SORCS2: variants seen among roughly 807,000 people sequenced by gnomAD.
The protein encoded by SORCS2 is sortilin related VPS10 domain containing receptor 2.
SORCS2 carries 100 observed loss-of-function variants against 141.6 expected under a neutral mutation model. The ratio of observed to expected loss-of-function variants is 0.71; its 90% CI spans 0.60 to 0.83. SORCS2 has a LOEUF of 0.83. Ranked by LOEUF, SORCS2 falls within the 40% of genes least tolerant of loss-of-function variation. SORCS2 has a pLI of 0.00. For synonymous variants in SORCS2, 789 were observed against 676.9 expected, an observed-to-expected ratio of 1.17 and a Z score of -2.57; for missense variants, 1,646 against 1,560.2, an observed-to-expected ratio of 1.05 and a Z score of -0.93.
intron 3 of SORCS2, among the ~76,000 whole-genome samples, chr4:7,560,438 G>A (rs1312142693): frequency 6.6e-6 from 1 of 152,126 alleles, no homozygotes; most frequent in African/African-American, 2.4e-5. Context: ...GCTGTGCTTT[G>A]TCTCTCAATG....
chr4:7,727,437 C>CT (rs1225710978), intron 21 of SORCS2, among the ~76,000 whole-genome samples: 1 of 141,262 alleles, frequency 7.1e-6, no homozygotes, highest in African/African-American at 2.7e-5. Context: ...ACCCCCCCCC[C>CT]CCTTGTCAAG....
chr4:7,378,579 A>G (rs1387641149), intron 1 of SORCS2, among the ~76,000 whole-genome samples: 1 of 152,000 alleles, frequency 6.6e-6, no homozygotes, highest in African/African-American at 2.4e-5. Context: ...GGGGGAATCC[A>G]CCCCCGTGAT....
In SORCS2 at chr4:7,692,246, C is replaced by T. The variant is rs115875159; in HGVS notation, c.1591+2658C>T. Among the ~76,000 whole-genome samples, 716 of 152,290 alleles carry T rather than the reference C, an allele frequency of 4.7e-3. 7 individuals are homozygous for T. Among genetic ancestry groups the T allele is most frequent in the African/African-American group, 0.017 (687 of 41,560 alleles). On this transcript the variant is annotated intron_variant, in intron 11 of 26. Transcript: ENST00000507866. ...GGCACAGGTCCCAGTGCCACGTGAC[C>T]GCACTGCTGGAGGTGGCTGGGGATG...
At chr4:7,410,917 G>A (rs909862751) in intron 2 of SORCS2, among the ~76,000 whole-genome samples, 5 of 146,022 alleles carry the variant, frequency 3.4e-5, no homozygotes, top group African/African-American at 1.3e-4. Flanking sequence ...AGCATTCCTA[G>A]CCCCTGGGCC....
intron 14 of SORCS2, among the ~76,000 whole-genome samples, chr4:7,709,318 G>A (rs1433180277): frequency 6.6e-6 from 1 of 152,184 alleles, no homozygotes; most frequent in Non-Finnish European, 1.5e-5. Context: ...CCGTGAATGA[G>A]CCTGTCTCTG....
At chr4:7,293,629 C>T (rs1037864336) in intron 1 of SORCS2, among the ~76,000 whole-genome samples, 1 of 152,160 alleles carries the variant, frequency 6.6e-6, no homozygotes, top group Non-Finnish European at 1.5e-5. Flanking sequence ...GTAAAGCCAA[C>T]CTGTTGCTTT....
intron 2 of SORCS2, among the ~76,000 whole-genome samples, chr4:7,411,114 C>T (rs1725277506): frequency 6.6e-6 from 1 of 152,012 alleles, no homozygotes; most frequent in East Asian, 1.9e-4. Context: ...CATCACCACG[C>T]CCAGCTAATT....
Position 7,448,169 on chromosome 4 carries a change from C to T in SORCS2, c.548+51814C>T, listed in dbSNP as rs55675911. On this transcript the variant is annotated intron_variant, in intron 2 of 26. Transcript: ENST00000507866. Reference sequence around the variant, plus strand: ...TGAGGCACAGTTGTGTTTCGTGCCCCCCACTGTCCTGCTGCTCCGGGCCCT... The same window carrying T: ...TGAGGCACAGTTGTGTTTCGTGCCCTCCACTGTCCTGCTGCTCCGGGCCCT... Among the ~76,000 whole-genome samples, 1,467 of 152,290 alleles carry T rather than the reference C, an allele frequency of 9.6e-3. 26 individuals carry two copies. The highest frequency in any genetic ancestry group is 0.032 in the African/African-American group (1,348 of 41,550).
intron 3 of SORCS2, among the ~76,000 whole-genome samples, chr4:7,555,386 C>A (rs926745189): frequency 2.6e-5 from 4 of 152,234 alleles, no homozygotes; most frequent in African/African-American, 9.6e-5. Flanking sequence ...CCCTACCCAC[C>A]TGTGTGAGCC....
chr4:7,679,971 TG>T (rs1195803346), intron 9 of SORCS2, among the ~76,000 whole-genome samples: 1 of 152,164 alleles, frequency 6.6e-6, no homozygotes, highest in Non-Finnish European at 1.5e-5. Context: ...CAAACCATCA[TG>T]GGAAAATCAT....
At chr4:7,703,102 G>A (rs1281354887) in intron 12 of SORCS2, among the ~76,000 whole-genome samples, 178 bp from the exon 13 acceptor site, 2 of 152,320 alleles carry the variant, frequency 1.3e-5, no homozygotes, top group South Asian at 4.1e-4. Context: ...CTGAGTCCGC[G>A]TGGGCTGGGA....
intron 23 of SORCS2, among the ~76,000 whole-genome samples, chr4:7,732,237 A>G (rs927947945): frequency 2.0e-5 from 3 of 152,236 alleles, no homozygotes; most frequent in Admixed American, 6.5e-5. Flanking sequence ...CATTGAAGCC[A>G]CAGTGAGACA....
intron 1 of SORCS2, among the ~76,000 whole-genome samples, chr4:7,339,618 G>C (rs1208337301): frequency 1.3e-5 from 2 of 152,164 alleles, no homozygotes; most frequent in Non-Finnish European, 2.9e-5. Flanking sequence ...ATTTTTGTCA[G>C]GACACCCAGT....
At chr4:7,434,604 C>T in intron 2 of SORCS2, 1 of 1,613,422 alleles carries the variant, frequency 6.2e-7, no homozygotes, top group Non-Finnish European at 8.5e-7. Flanking sequence ...CACAGGTCTT[C>T]ATCACCAAAG....
At position 7,192,671 on chromosome 4, in the gene SORCS2, G is replaced by T; in HGVS notation, c.25G>T (p.Ala9Ser). Reference protein sequence around the residue: MAHRGPSRASKGPGPTARA... With the variant: MAHRGPSRSSKGPGPTARA... ...CATGGCGCACCGGGGGCCCTCGCGC[G>T]CCTCGAAGGGCCCCGGCCCCACCGC... Residue 9 changes from alanine to serine, a missense_variant, in exon 1 of 27, where the codon GCC becomes TCC. Physicochemically the swap from Ala to Ser is moderately conservative, Grantham distance 99. Coordinates refer to ENST00000507866, the MANE Select transcript of SORCS2 (RefSeq NM_020777.3). This position sits in a 1 kb window ranked among gnomAD's most constrained non-coding sequence, Gnocchi z 4.0. The T allele has an allele frequency of 2.0e-6, 2 of 987,746 alleles. No individual in the cohort carries two copies. The highest frequency in any genetic ancestry group is 2.4e-6 in the Non-Finnish European group (2 of 832,802). 61.2% of individuals were successfully genotyped at this position (987,746 alleles called of 1,614,324 possible).
intron 2 of SORCS2, among the ~76,000 whole-genome samples, chr4:7,529,304 C>T (rs1370225137): frequency 9.9e-5 from 15 of 152,120 alleles, no homozygotes; most frequent in Admixed American, 8.5e-4. Context: ...CGCACCCCTA[C>T]ACCGTTGATT....
intron 2 of SORCS2, among the ~76,000 whole-genome samples, chr4:7,482,138 G>C (rs1452916862): frequency 2.4e-5 from 1 of 40,864 alleles, no homozygotes; most frequent in Admixed American, 2.4e-4. Flanking sequence ...GTTCAGACCT[G>C]TATCCCCGCT....
At chr4:7,564,600 A>T (rs1350876772) in intron 3 of SORCS2, among the ~76,000 whole-genome samples, 1 of 152,180 alleles carries the variant, frequency 6.6e-6, no homozygotes, top group East Asian at 1.9e-4. Flanking sequence ...CCTGCTTCAC[A>T]TGGAAGGAAG....
rs1714820255 is a variant in SORCS2, at chr4:7,564,452, G to A, written c.648+32823G>A. On this transcript the variant is annotated intron_variant, in intron 3 of 26. Coordinates refer to ENST00000507866, the MANE Select transcript of SORCS2 (RefSeq NM_020777.3). ...GTAAGGACACTAGTCATGTTGGATT[G>A]GGGCCCACTCCGATGACCTTGTTTA... Among the ~76,000 whole-genome samples the A allele has an allele frequency of 2.6e-5, 4 of 152,194 alleles. No individual in the cohort carries two copies. In the South Asian group the frequency reaches 8.3e-4, roughly 32 times the overall value.
Sources: gnomAD v4.1 joint callset for allele counts (sites outside exome capture counted in the v4.1 genomes callset) on GRCh38, gnomAD v4.1.1 for gene constraint, Gnocchi (gnomAD v3.1) non-coding constraint, MANE v1.5 for transcripts, NCBI Gene and HGNC (gene_info 2026-07-23, HGNC 2026-07-21) for gene names.